Variants in GNB1L observed in about 807,000 individuals in gnomAD.
GNB1L encodes guanine nucleotide-binding protein subunit beta-like protein 1.
A neutral mutation model predicts 29.1 loss-of-function variants in GNB1L; 20 were observed. The observed-to-expected ratio is 0.69, with a 90% CI of 0.48 to 1.00. The LOEUF is 1.00. Ranked by LOEUF, GNB1L falls within the 50% of genes least tolerant of loss-of-function variation. GNB1L has a pLI of 0.00. For missense variants in GNB1L, 421 were observed against 464.9 expected, an observed-to-expected ratio of 0.91 and a Z score of 0.87; for synonymous variants, 193 against 206.5, an observed-to-expected ratio of 0.93 and a Z score of 0.56.
chr22:19,830,510 T>C (rs1450516366), intron 2 of GNB1L, among the ~76,000 whole-genome samples: 2 of 151,940 alleles, frequency 1.3e-5, no homozygotes, highest in African/African-American at 2.4e-5. Flanking sequence ...ATGAAGAAAA[T>C]GTTAAAATTC....
chr22:19,849,817 G>C, intron 2 of GNB1L: 8 of 985,432 alleles, frequency 8.1e-6, no homozygotes, highest in Non-Finnish European at 9.6e-6. Context: ...AAAGGGACTT[G>C]AACTTCTTGT....
At chr22:19,837,891 T>C (rs1937792298) in intron 2 of GNB1L, among the ~76,000 whole-genome samples, 1 of 152,200 alleles carries the variant, frequency 6.6e-6, no homozygotes, top group Non-Finnish European at 1.5e-5. Context: ...ATTCTATTTA[T>C]GCAAAATTCT....
In GNB1L at chr22:19,816,885, C is replaced by A. The variant is rs767117842; in HGVS notation, c.254+3713G>T. ...CTCCCAGGCTGCCGCTGCCACACCA[C>A]CCCCCCAACCCTGCTTCTTTGACTG... On this transcript the variant is annotated intron_variant, in intron 4 of 7. Transcript: ENST00000329517. This position sits in a 1 kb window ranked among gnomAD's most constrained non-coding sequence, Gnocchi z 4.4. Among the ~76,000 whole-genome samples, 1 of 152,106 alleles carries A rather than the reference C, an allele frequency of 6.6e-6. No individual in the cohort carries two copies. Among genetic ancestry groups the A allele is most frequent in the East Asian group, 1.9e-4 (1 of 5,184 alleles).
chr22:19,821,312 A>G lies in GNB1L; in HGVS notation c.44T>C (p.Val15Ala). ...CACCGGTGACTGGGTGCCTCGGAGG[A>G]CAAACTGGGGGTCTGGAGGTGGCGG... ...CPPPPPDPQF[V>A]LRGTQSPVHA... The change falls in exon 3 of 8, where the codon GTC (valine) becomes GCC (alanine). Residue 15 changes from valine to alanine, a missense_variant. Transcript: ENST00000329517. The G allele has an allele frequency of 6.2e-7, 1 of 1,613,284 alleles. No homozygotes were observed.
chr22:19,798,468 C>G (rs1391449027), intron 7 of GNB1L, among the ~76,000 whole-genome samples: 2 of 152,172 alleles, frequency 1.3e-5, no homozygotes, highest in African/African-American at 2.4e-5. Flanking sequence ...TGCTCAGGGC[C>G]CTCTTGACAG....
At position 19,821,248 on chromosome 22, in the gene GNB1L, C is replaced by G. The variant is rs780742354; in HGVS notation, c.108G>C (p.Gly36=). 1.5e-5 allele frequency: 24 copies of G among 1,611,996 alleles called. 1 individual carries two copies. In the South Asian group the frequency reaches 2.6e-4, roughly 18 times the overall value. The stretch of plus-strand genomic sequence containing the variant: ...CTCACCCTGAGAAGAGGAGCGGGCG[C>G]CCCTGAGCCTGGGCTCCTTCGCAGA... ...LHFCEGAQAQ[G]RPLLFSGSQS... The change falls in exon 3 of 8, where the codon GGG becomes GGC. Residue 36 remains glycine, a synonymous_variant. Coordinates refer to ENST00000329517, the MANE Select transcript of GNB1L (RefSeq NM_053004.3).
chr22:19,796,674 C>T (rs1937309859), intron 7 of GNB1L, among the ~76,000 whole-genome samples: 1 of 152,008 alleles, frequency 6.6e-6, no homozygotes, highest in African/African-American at 2.4e-5. Flanking sequence ...TGGGGTCTGC[C>T]TGGAAGTGGG....
intron 2 of GNB1L, chr22:19,846,323 C>T: frequency 3.0e-6 from 2 of 675,256 alleles, no homozygotes; most frequent in South Asian, 6.5e-5. Flanking sequence ...CCTGGGAATA[C>T]AGGATAATGC....
At chr22:19,835,238 A>T (rs1479052376) in intron 2 of GNB1L, among the ~76,000 whole-genome samples, 1 of 152,172 alleles carries the variant, frequency 6.6e-6, no homozygotes, top group Admixed American at 6.5e-5. Flanking sequence ...CCTGACTAAT[A>T]CTATCTACCT....
At chr22:19,851,623 C>A in intron 2 of GNB1L, 1 of 1,594,436 alleles carries the variant, frequency 6.3e-7, no homozygotes, top group Non-Finnish European at 8.6e-7. Flanking sequence ...CTAAGTATTG[C>A]CTCACCACAG....
At chr22:19,797,985 A>G (rs973673011) in intron 7 of GNB1L, among the ~76,000 whole-genome samples, 1 of 152,138 alleles carries the variant, frequency 6.6e-6, no homozygotes, top group Non-Finnish European at 1.5e-5. Flanking sequence ...GTGCACACAC[A>G]AGCAGCTGAA....
chr22:19,818,840 C>G (rs1281543383), intron 4 of GNB1L, among the ~76,000 whole-genome samples: 1 of 152,182 alleles, frequency 6.6e-6, no homozygotes, highest in Non-Finnish European at 1.5e-5. Flanking sequence ...GCAGATGTCA[C>G]TCTGATCAAG....
intron 2 of GNB1L, among the ~76,000 whole-genome samples, chr22:19,853,316 G>A (rs923076739): frequency 6.6e-6 from 1 of 152,106 alleles, no homozygotes; most frequent in African/African-American, 2.4e-5. Context: ...GTCCCAGTCT[G>A]ATGGCTGGAC....
At chr22:19,788,983 T>C in intron 7 of GNB1L, 23 bp from the exon 8 acceptor site, 3 of 1,580,596 alleles carry the variant, frequency 1.9e-6, no homozygotes, top group South Asian at 1.2e-5. Flanking sequence ...GGAGAGGTGT[T>C]AGGCCACTCC....
chr22:19,844,514 G>A (rs1479831104), intron 2 of GNB1L, among the ~76,000 whole-genome samples: 1 of 152,268 alleles, frequency 6.6e-6, no homozygotes, highest in East Asian at 1.9e-4. Context: ...GGCAGGCGCT[G>A]AGGCTGCAAG....
At chr22:19,831,465 G>A (rs1020481345) in intron 2 of GNB1L, among the ~76,000 whole-genome samples, 1 of 151,888 alleles carries the variant, frequency 6.6e-6, no homozygotes, top group African/African-American at 2.4e-5. Flanking sequence ...GCTGAGGCGG[G>A]AGGATCACAA....
chr22:19,843,828 C>T (rs1937904677), intron 2 of GNB1L, among the ~76,000 whole-genome samples: 1 of 152,254 alleles, frequency 6.6e-6, no homozygotes, highest in Admixed American at 6.5e-5. Flanking sequence ...AGGACAGCCA[C>T]CCATCTCCCT....
intron 6 of GNB1L, among the ~76,000 whole-genome samples, chr22:19,805,003 G>A (rs916346525): frequency 1.3e-5 from 2 of 152,334 alleles, no homozygotes; most frequent in East Asian, 3.9e-4. Flanking sequence ...CGGAGCCCAT[G>A]TCAAGCCCTT....
intron 2 of GNB1L, among the ~76,000 whole-genome samples, chr22:19,836,623 T>A (rs1461424249): frequency 6.6e-6 from 1 of 152,128 alleles, no homozygotes; most frequent in African/African-American, 2.4e-5. Context: ...AATATAGACA[T>A]ACAAATCCTC....
Sources: gnomAD v4.1 joint callset for allele counts (sites outside exome capture counted in the v4.1 genomes callset) on GRCh38, gnomAD v4.1.1 for gene constraint, Gnocchi (gnomAD v3.1) non-coding constraint, MANE v1.5 for transcripts, NCBI Gene and HGNC (gene_info 2026-07-23, HGNC 2026-07-21) for gene names.